The following SMAD2 variants were observed in gnomAD, a reference collection of about 807,000 sequenced individuals.
The protein encoded by SMAD2 is MAD homolog 2.
In SMAD2, 8 loss-of-function variants were observed where a neutral mutation model predicts 64.4. That is an observed-to-expected ratio of 0.12 (90% CI 0.07 to 0.22). The LOEUF (loss-of-function observed/expected upper bound fraction) is 0.22. SMAD2 is among the 10% of genes least tolerant of loss of function. The pLI is 1.00. For synonymous variants in SMAD2, 203 were observed against 195.8 expected (o/e 1.04, Z -0.31); for missense variants, 289 against 561.2 (o/e 0.51, Z 4.90).
At chr18:47,883,107 A>G (rs1018386912) in intron 2 of SMAD2, among the ~76,000 whole-genome samples, 1 of 151,938 alleles carries the variant, frequency 6.6e-6, no homozygotes, top group Non-Finnish European at 1.5e-5. Context: ...CTTACTTTCT[A>G]TTTTATCTTT....
chr18:47,851,635 CA>C (rs1327395076), intron 6 of SMAD2, among the ~76,000 whole-genome samples: 1 of 152,094 alleles, frequency 6.6e-6, no homozygotes, highest in Admixed American at 6.5e-5. Flanking sequence ...ACCACATAAG[CA>C]AATACATTTT....
At chr18:47,850,514 AAT>A (rs1337162931) in intron 7 of SMAD2, among the ~76,000 whole-genome samples, 3 of 10,224 alleles carry the variant, frequency 2.9e-4, no homozygotes, top group Non-Finnish European at 4.8e-4. Flanking sequence ...TTATATATAT[AAT>A]ATATATTATG....
intron 1 of SMAD2, among the ~76,000 whole-genome samples, chr18:47,901,088 T>C (rs1426768866): frequency 1.3e-5 from 2 of 152,138 alleles, no homozygotes; most frequent in African/African-American, 4.8e-5. Flanking sequence ...AGCCTGCTAA[T>C]TGTGATGTAT....
intron 8 of SMAD2, 25 bp from the exon 9 acceptor site, chr18:47,845,825 AG>A (rs752045665): frequency 5.0e-6 from 8 of 1,607,592 alleles, no homozygotes; most frequent in Non-Finnish European, 6.8e-6. Flanking sequence ...AAATGAGATT[AG>A]TTTTGTAACA....
intron 1 of SMAD2, among the ~76,000 whole-genome samples, chr18:47,905,016 G>A (rs2033846131): frequency 6.6e-6 from 1 of 152,032 alleles, no homozygotes; most frequent in Non-Finnish European, 1.5e-5. Context: ...ATTGTAGACA[G>A]GACAACTATG....
At chr18:47,908,260 G>C (rs939312528) in intron 1 of SMAD2, among the ~76,000 whole-genome samples, 3 of 152,180 alleles carry the variant, frequency 2.0e-5, no homozygotes, top group Non-Finnish European at 4.4e-5. Flanking sequence ...GACAAAAATT[G>C]AGAGCCCAAA....
rs1356258326 is a variant in SMAD2 at position 47,907,619 on chromosome 18, A to G, written c.-53-10810T>C. On this transcript the variant is annotated intron_variant, in intron 1 of 10. Coordinates refer to ENST00000262160, the MANE Select transcript of SMAD2 (RefSeq NM_005901.6). ...ACTGTTGAATTCCTGAATGTTTTCT[A>G]TCTTGAGAGGTAATCACACATGAGT... Among the ~76,000 whole-genome samples the G allele has an allele frequency of 3.0e-4, 45 of 152,150 alleles. 1 individual carries two copies. Among genetic ancestry groups the G allele is most frequent in the Admixed American group, 2.9e-3 (44 of 15,272 alleles).
At chr18:47,876,053 G>C (rs2032243971) in intron 2 of SMAD2, among the ~76,000 whole-genome samples, 1 of 151,972 alleles carries the variant, frequency 6.6e-6, no homozygotes, top group Non-Finnish European at 1.5e-5. Context: ...ACAACATCAA[G>C]CTGTTTACAA....
rs1310830723 is a variant in SMAD2, at chr18:47,831,999, AC to A, written c.*9827del. ...GCAAACATGTTCCTGAACATTCTTC[AC>A]CCAAACTTAGACAAACCTGGAGCTT... On this transcript the variant is annotated 3_prime_UTR_variant, in exon 11 of 11. Coordinates refer to ENST00000262160, the MANE Select transcript of SMAD2 (RefSeq NM_005901.6). 6.6e-6 allele frequency: 1 copy of A among 152,140 alleles called. No homozygotes were observed. The highest frequency in any genetic ancestry group is 1.5e-5 in the Non-Finnish European group (1 of 68,028). 9.4% of individuals were successfully genotyped at this position (152,140 alleles called of 1,614,324 possible).
At position 47,834,393 on chromosome 18, in the gene SMAD2, T is replaced by C; in HGVS notation, c.*7434A>G. On this transcript the variant is annotated 3_prime_UTR_variant, in exon 11 of 11. Coordinates refer to ENST00000262160, the MANE Select transcript of SMAD2 (RefSeq NM_005901.6). ...GCTACTTATCAGAAAAATCCACATATATACAAAACTCTGCTAAAAGTTTTG... is the reference window on the plus strand; with the variant it reads ...GCTACTTATCAGAAAAATCCACATACATACAAAACTCTGCTAAAAGTTTTG... The C allele has an allele frequency of 4.8e-6, 1 of 207,436 alleles. No individual in the cohort carries two copies. The highest frequency in any genetic ancestry group is 9.8e-6 in the Non-Finnish European group (1 of 101,694). The allele number at this position is 207,436 out of a possible 1,614,324, so 12.8% of individuals were successfully genotyped here. A position where few individuals can be genotyped will look rare whatever the true frequency, so the allele number is the denominator to read the frequency against.
At chr18:47,895,358 T>C (rs1298182595) in intron 2 of SMAD2, 3 of 152,238 alleles carry the variant, frequency 2.0e-5, no homozygotes, top group African/African-American at 7.2e-5. Flanking sequence ...AGCATCACAA[T>C]CCGACCCAAA....
At chr18:47,916,179 T>C (rs2144528084) in intron 1 of SMAD2, among the ~76,000 whole-genome samples, 1 of 152,336 alleles carries the variant, frequency 6.6e-6, no homozygotes, top group East Asian at 1.9e-4. Flanking sequence ...ACAATTTTTA[T>C]TGCCATGTTC....
intron 2 of SMAD2, among the ~76,000 whole-genome samples, chr18:47,872,564 C>T (rs371543545): frequency 3.9e-5 from 6 of 152,216 alleles, no homozygotes; most frequent in South Asian, 4.1e-4. Context: ...TACCGGTCCA[C>T]GGCCTGTTAG....
In SMAD2 at chr18:47,808,999, C is replaced by T. The variant is rs1912115456; in HGVS notation, c.*32828G>A. 6.6e-6 allele frequency: 1 copy of T among 152,208 alleles called. No homozygotes were observed. The highest frequency in any genetic ancestry group is 1.5e-5 in the Non-Finnish European group (1 of 68,044). The allele number at this position is 152,208 out of a possible 1,614,324, so 9.4% of individuals were successfully genotyped here. On this transcript the variant is annotated 3_prime_UTR_variant, in exon 11 of 11. Transcript: ENST00000262160. ...TCTTTATTACCAACACCAAACAGCA[C>T]CTCAGGTGGTAGTCAACTAAGTAAT...
chr18:47,920,438 T>C (rs1345296334), intron 1 of SMAD2, among the ~76,000 whole-genome samples: 1 of 152,268 alleles, frequency 6.6e-6, no homozygotes, highest in African/African-American at 2.4e-5. Flanking sequence ...AATTGGTGTG[T>C]ATTTTATGCT....
chr18:47,898,247 A>T (rs965877064), intron 1 of SMAD2, among the ~76,000 whole-genome samples: 13 of 152,254 alleles, frequency 8.5e-5, no homozygotes, highest in Non-Finnish European at 1.6e-4. Flanking sequence ...TGACAGCTTT[A>T]TTCTAAGTAA....
At position 47,845,798 on chromosome 18, in the gene SMAD2, T is replaced by C; in HGVS notation, c.1000A>G (p.Arg334Gly). The C allele has an allele frequency of 6.2e-7, 1 of 1,613,446 alleles. No homozygotes were observed. Among genetic ancestry groups the C allele is most frequent in the Non-Finnish European group, 8.5e-7 (1 of 1,179,394 alleles). ...TVEMTRRHIG[R>G]GVRLYYIGGE... The stretch of plus-strand genomic sequence containing the variant: ...CCTATGTAGTATAAGCGCACTCCTC[T>C]TCCTGAAACAAAATACAAATGAGAT... The change falls in exon 9 of 11, where the codon AGA becomes GGA. Residue 334 changes from arginine to glycine, a missense_variant and splice_region_variant. Physicochemically the swap from Arg to Gly is moderately radical, Grantham distance 125. Coordinates refer to ENST00000262160, the MANE Select transcript of SMAD2 (RefSeq NM_005901.6).
At chr18:47,859,301 A>ACTGACAAAATAAGG (rs2030980647) in intron 6 of SMAD2, among the ~76,000 whole-genome samples, 1 of 152,188 alleles carries the variant, frequency 6.6e-6, no homozygotes, top group African/African-American at 2.4e-5. Context: ...AAAAATCATA[A>ACTGACAAAATAAGG]AGAATTAAGA....
intron 5 of SMAD2, 52 bp downstream of exon 5, chr18:47,868,271 G>A: frequency 1.3e-6 from 2 of 1,505,940 alleles, no homozygotes; most frequent in Non-Finnish European, 1.8e-6. Flanking sequence ...GAATGCTTAT[G>A]AACAAAATTT....
Sources: allele counts gnomAD v4.1 joint callset (sites outside exome capture counted in the v4.1 genomes callset), GRCh38; gene constraint gnomAD v4.1.1; transcripts MANE v1.5; gene names NCBI Gene and HGNC (gene_info 2026-07-23, HGNC 2026-07-21).